The following KIF3A variants were observed in gnomAD, a reference collection of about 807,000 sequenced individuals.
KIF3A encodes the protein kinesin-like protein KIF3A.
Under a neutral mutation model 92.6 loss-of-function variants are expected in KIF3A, and 27 were observed. The observed-to-expected ratio is 0.29, with a 90% CI of 0.21 to 0.40. The LOEUF is 0.40. KIF3A is among the 10% of genes least tolerant of loss of function. KIF3A has a pLI of 1.00. For missense variants in KIF3A, 581 were observed against 872.6 expected (o/e 0.67, Z 4.21); for synonymous variants, 250 against 275.4 (o/e 0.91, Z 0.92).
rs566539539 is a variant in KIF3A at position 132,729,880 on chromosome 5, T to A, written c.281-3382A>T. On this transcript the variant is annotated intron_variant, in intron 2 of 18. Transcript: ENST00000403231. ...GCCCAAAGTAAGTAAGAAAAAAAAA[T>A]AAAGATCAGAGCAGAAATAGATGAA... 4.8e-3 allele frequency among the ~76,000 whole-genome samples: 724 copies of A among 149,314 alleles called. 5 individuals are homozygous for A. The highest frequency in any genetic ancestry group is 6.8e-3 in the Non-Finnish European group (455 of 67,154).
intron 9 of KIF3A, 39 bp downstream of exon 9, chr5:132,710,920 A>T (rs778108198): frequency 6.2e-7 from 1 of 1,613,408 alleles, no homozygotes; most frequent in African/African-American, 1.3e-5. Flanking sequence ...TTGTGAAACC[A>T]CCTAATTTCT....
Position 132,695,226 on chromosome 5 carries a change from C to G in KIF3A, c.*1408G>C, listed in dbSNP as rs1752792565. ...TCACCCTGTCACCCAGGCTGGAGTG[C>G]AGTGATGCCATCTCAGCTCACTGCA... On this transcript the variant is annotated 3_prime_UTR_variant, in exon 19 of 19. Transcript: ENST00000403231. The G allele has an allele frequency of 6.6e-6, 1 of 152,006 alleles. No individual in the cohort carries two copies. Among genetic ancestry groups the G allele is most frequent in the Admixed American group, 6.6e-5 (1 of 15,248 alleles). The allele number at this position is 152,006 out of a possible 1,614,324, so 9.4% of individuals were successfully genotyped here. A position where few individuals can be genotyped will look rare whatever the true frequency, so the allele number is the denominator to read the frequency against.
chr5:132,723,620 C>T (rs1753901546), intron 4 of KIF3A: 1 of 152,180 alleles, frequency 6.6e-6, no homozygotes, highest in South Asian at 2.1e-4. Context: ...AAACTGGATT[C>T]CTTCCTTACA....
chr5:132,737,509 G>T lies in KIF3A; in HGVS notation c.-90C>A. On this transcript the variant is annotated 5_prime_UTR_variant, in exon 1 of 19. Coordinates refer to ENST00000403231, the MANE Select transcript of KIF3A (RefSeq NM_001300791.2). ...GCAGAAAGGATGGCCAGAGACTACC[G>T]AAACACCTCGTTGACGCTCTCGAGA... is the stretch of plus-strand genomic sequence containing the variant. The T allele has an allele frequency of 1.4e-6, 2 of 1,466,060 alleles. No homozygotes were observed. The highest frequency in any genetic ancestry group is 1.9e-6 in the Non-Finnish European group (2 of 1,068,860). The allele number at this position is 1,466,060 out of a possible 1,614,324, so 90.8% of individuals were successfully genotyped here.
At position 132,715,912 on chromosome 5, in the gene KIF3A, G is replaced by A; in HGVS notation, c.974C>T (p.Ala325Val). ...GATAGTTTCATCATAATTGTAATCTGCTGGCCCAATATTTGCACACTATTG... is the reference window on the plus strand; with the variant it reads ...GATAGTTTCATCATAATTGTAATCTACTGGCCCAATATTTGCACACTATTG... ...KTMMCANIGP[A>V]DYNYDETIST... is the part of the protein sequence containing the mutation. The change falls in exon 8 of 19, where the codon GCA (alanine) becomes GTA (valine). Residue 325 changes from alanine to valine, a missense_variant. Around this residue, in one of 5 missense-constraint regions of KIF3A, gnomAD observed 40 missense variants for 107.0 expected, o/e 0.37. Transcript: ENST00000403231. 6.3e-7 allele frequency: 1 copy of A among 1,592,458 alleles called. No homozygotes were observed. The highest frequency in any genetic ancestry group is 8.5e-7 in the Non-Finnish European group (1 of 1,170,662).
At chr5:132,712,131 T>C (rs746182348) in intron 8 of KIF3A, among the ~76,000 whole-genome samples, 18 of 152,214 alleles carry the variant, frequency 1.2e-4, no homozygotes, top group Admixed American at 3.3e-4. Context: ...TTCTTCGGGC[T>C]TAGAAACAAT....
chr5:132,733,971 G>A (rs1263137786), intron 2 of KIF3A, among the ~76,000 whole-genome samples: 2 of 152,134 alleles, frequency 1.3e-5, no homozygotes, highest in Non-Finnish European at 2.9e-5. Flanking sequence ...TCAAGAAAAG[G>A]CAAAATTATA....
chr5:132,695,566 T>C lies in KIF3A; in HGVS notation c.*1068A>G, dbSNP rs1341568906. 2 of 152,352 alleles carry C rather than the reference T, an allele frequency of 1.3e-5. No individual in the cohort carries two copies. The highest frequency in any genetic ancestry group is 2.9e-5 in the Non-Finnish European group (2 of 68,040). The allele number at this position is 152,352 out of a possible 1,614,324, so 9.4% of individuals were successfully genotyped here. A position where few individuals can be genotyped will look rare whatever the true frequency, so the allele number is the denominator to read the frequency against. Reference sequence around the variant, plus strand: ...ATCTCTATTACAACTTACTTTACTATGAAATCAACATAGTTTTTATTTGTA... The same window carrying C: ...ATCTCTATTACAACTTACTTTACTACGAAATCAACATAGTTTTTATTTGTA... On this transcript the variant is annotated 3_prime_UTR_variant, in exon 19 of 19. Transcript: ENST00000403231.
intron 2 of KIF3A, among the ~76,000 whole-genome samples, chr5:132,728,153 C>T (rs1754100756): frequency 6.6e-6 from 1 of 152,088 alleles, no homozygotes; most frequent in South Asian, 2.1e-4. Flanking sequence ...TTTATAAGGA[C>T]ATCAGCTGTC....
intron 2 of KIF3A, 80 bp from the exon 3 acceptor site, chr5:132,726,578 C>T (rs960535686): frequency 3.8e-5 from 47 of 1,253,080 alleles, no homozygotes; most frequent in Non-Finnish European, 5.1e-5. Context: ...ATTCCTTTGA[C>T]ACTGTGATGT....
In KIF3A at chr5:132,699,636, G is replaced by T. The variant is rs146425510; in HGVS notation, c.2008-341C>A. ...TGCAGTAGCGCGATCTGGGCTCACT[G>T]CAAGCTCCACCTCCTGGGTTCACGC... is the stretch of plus-strand genomic sequence containing the variant. On this transcript the variant is annotated intron_variant, in intron 17 of 18. Coordinates refer to ENST00000403231, the MANE Select transcript of KIF3A (RefSeq NM_001300791.2). The T allele has an allele frequency of 4.0e-3, 1,711 of 429,040 alleles. 24 individuals carry two copies. The highest frequency in any genetic ancestry group is 0.033 in the African/African-American group (1,564 of 47,646). The allele number at this position is 429,040 out of a possible 1,614,324, so 26.6% of individuals were successfully genotyped here.
chr5:132,698,586 T>C (rs775930443), intron 18 of KIF3A, among the ~76,000 whole-genome samples: 10 of 152,056 alleles, frequency 6.6e-5, no homozygotes, highest in Non-Finnish European at 1.5e-4. Flanking sequence ...AGTCTAAGAA[T>C]TAAGGAATTA....
intron 1 of KIF3A, among the ~76,000 whole-genome samples, chr5:132,734,947 G>A (rs537694615): frequency 6.6e-6 from 1 of 152,040 alleles, no homozygotes; most frequent in African/African-American, 2.4e-5. Context: ...ATCCATATAT[G>A]GCTTATCTTC....
intron 1 of KIF3A, among the ~76,000 whole-genome samples, chr5:132,734,768 C>T (rs191692892): frequency 2.0e-5 from 3 of 152,302 alleles, no homozygotes; most frequent in Admixed American, 1.3e-4. Flanking sequence ...TATTATAGAT[C>T]ATCTTTTTGC....
At chr5:132,714,292 T>C (rs779370501) in intron 8 of KIF3A, among the ~76,000 whole-genome samples, 1 of 152,166 alleles carries the variant, frequency 6.6e-6, no homozygotes, top group African/African-American at 2.4e-5. Flanking sequence ...AATGGGTACA[T>C]ACTGTTTTTA....
chr5:132,707,411 G>A (rs1449077301), intron 10 of KIF3A, among the ~76,000 whole-genome samples: 4 of 152,134 alleles, frequency 2.6e-5, no homozygotes, highest in African/African-American at 4.8e-5. Context: ...TGCTAGGTAC[G>A]CAAATAGGAA....
At position 132,694,811 on chromosome 5, in the gene KIF3A, T is replaced by A. The variant is rs1217403373; in HGVS notation, c.*1823A>T. 1 of 152,338 alleles carries A rather than the reference T, an allele frequency of 6.6e-6. No individual in the cohort carries two copies. Among genetic ancestry groups the A allele is most frequent in the Non-Finnish European group, 1.5e-5 (1 of 68,034 alleles). The allele number at this position is 152,338 out of a possible 1,614,324, so 9.4% of individuals were successfully genotyped here. ...TGCCCCACAGAGTTAAGTAATAAAT[T>A]TCTAGCTATCTTACATACCACAAAC... On this transcript the variant is annotated 3_prime_UTR_variant, in exon 19 of 19. Coordinates refer to ENST00000403231, the MANE Select transcript of KIF3A (RefSeq NM_001300791.2).
intron 1 of KIF3A, among the ~76,000 whole-genome samples, chr5:132,735,787 G>T (rs986146808): frequency 3.3e-5 from 5 of 152,178 alleles, no homozygotes; most frequent in African/African-American, 9.7e-5. Flanking sequence ...GTTTCCCATA[G>T]ATCTCAGAAC....
intron 8 of KIF3A, 149 bp from the exon 9 acceptor site, chr5:132,711,206 G>C (rs1409683512): frequency 3.0e-6 from 2 of 668,730 alleles, no homozygotes; most frequent in Non-Finnish European, 5.2e-6. Flanking sequence ...AAGTATAACA[G>C]ATATGCCAAT....
Sources: gnomAD v4.1 joint callset for allele counts (sites outside exome capture counted in the v4.1 genomes callset) on GRCh38, gnomAD v4.1.1 for gene constraint, gnomAD v4.1.1 regional missense constraint, MANE v1.5 for transcripts, NCBI Gene and HGNC (gene_info 2026-07-23, HGNC 2026-07-21) for gene names.